The following SIK3 variants were observed in gnomAD, a reference collection of about 807,000 sequenced individuals.
The protein encoded by SIK3 is SIK family kinase 3.
Under a neutral mutation model 144.2 loss-of-function variants are expected in SIK3, and 28 were observed. The observed-to-expected ratio is 0.19, with a 90% CI of 0.14 to 0.27. The LOEUF (loss-of-function observed/expected upper bound fraction) is 0.27. Among genes scored for constraint, SIK3 ranks in the 10% least tolerant of loss-of-function variants. SIK3 has a pLI of 1.00. For synonymous variants in SIK3, 686 were observed against 676.3 expected (o/e 1.01, Z -0.22); for missense variants, 1,319 against 1,776.0 (o/e 0.74, Z 4.62).
rs375327407 is a variant in SIK3 at position 116,986,642 on chromosome 11, T to C, written c.274-29578A>G. On this transcript the variant is annotated intron_variant, in intron 1 of 24. Transcript: ENST00000445177. ...TCTTCCCAGAAGCAGGTCTTTCCTCTAACCTCAGGCATGTAATAAGTACCA... is the reference window on the plus strand; with the variant it reads ...TCTTCCCAGAAGCAGGTCTTTCCTCCAACCTCAGGCATGTAATAAGTACCA... Among the ~76,000 whole-genome samples the C allele has an allele frequency of 2.0e-4, 30 of 152,332 alleles. 3 individuals carry two copies. Among genetic ancestry groups the C allele is most frequent in the Admixed American group, 1.3e-3 (20 of 15,300 alleles).
Position 116,844,618 on chromosome 11 carries a change from AATAT to A in SIK3, c.*1021_*1024del, listed in dbSNP as rs201144269. 2 of 40,728 alleles carry A rather than the reference AATAT, an allele frequency of 4.9e-5. No homozygotes were observed. The highest frequency in any genetic ancestry group is 3.8e-4 in the South Asian group (1 of 2,630). 2.5% of individuals were successfully genotyped at this position (40,728 alleles called of 1,614,324 possible). A position where few individuals can be genotyped will look rare whatever the true frequency, so the allele number is the denominator to read the frequency against. ...TATTTTATATATATATTATATATATAATATATATATAATATATTATATTATATAT... is the reference window on the plus strand; with the variant it reads ...TATTTTATATATATATTATATATATAATATATAATATATTATATTATATAT... On this transcript the variant is annotated 3_prime_UTR_variant, in exon 25 of 25. Transcript: ENST00000445177.
rs549238660 is a variant in SIK3 at position 116,849,946 on chromosome 11, C to A, written c.3656-663G>T. On this transcript the variant is annotated intron_variant, in intron 21 of 24. Transcript: ENST00000445177. This position sits in a 1 kb window ranked among gnomAD's most constrained non-coding sequence, Gnocchi z 4.2. ...TTACTAGGTATCTTTCCCTGGATAT[C>A]TAACCAGCATGTAACACTTACCATG... Among the ~76,000 whole-genome samples, 1 of 152,316 alleles carries A rather than the reference C, an allele frequency of 6.6e-6. No individual in the cohort carries two copies. The highest frequency in any genetic ancestry group is 2.1e-4 in the South Asian group (1 of 4,828).
intron 1 of SIK3, among the ~76,000 whole-genome samples, chr11:117,088,754 G>A (rs917142276): frequency 2.6e-5 from 4 of 152,042 alleles, no homozygotes; most frequent in Non-Finnish European, 5.9e-5. Flanking sequence ...ATAGCTCACA[G>A]AAACCTTGAC....
chr11:117,036,407 A>C (rs1385215382), intron 1 of SIK3, among the ~76,000 whole-genome samples: 2 of 152,184 alleles, frequency 1.3e-5, no homozygotes, highest in Non-Finnish European at 2.9e-5. Context: ...TTGTGCTTAT[A>C]GAAGAGTCAG....
chr11:116,929,028 G>A (rs989483665), intron 3 of SIK3, among the ~76,000 whole-genome samples: 10 of 152,166 alleles, frequency 6.6e-5, no homozygotes, highest in African/African-American at 1.9e-4. Context: ...GCTCCCACTC[G>A]GGTGTGTTTA....
At chr11:116,977,723 CAGGT>C (rs1949997964) in intron 1 of SIK3, among the ~76,000 whole-genome samples, 1 of 152,136 alleles carries the variant, frequency 6.6e-6, no homozygotes, top group African/African-American at 2.4e-5. Context: ...AATTTTAAGA[CAGGT>C]AGAATAAAAG....
chr11:116,857,586 T>G, intron 21 of SIK3: 2 of 654,804 alleles, frequency 3.1e-6, no homozygotes, highest in Non-Finnish European at 4.9e-6. Flanking sequence ...ATCATCTATC[T>G]TATTGACTAA....
At chr11:116,948,124 G>C (rs1948764574) in intron 3 of SIK3, among the ~76,000 whole-genome samples, 1 of 151,102 alleles carries the variant, frequency 6.6e-6, no homozygotes, top group African/African-American at 2.4e-5. Flanking sequence ...TTTTTGTAGA[G>C]ATGGTGTTTC....
intron 21 of SIK3, among the ~76,000 whole-genome samples, chr11:116,850,870 G>A (rs1032401182): frequency 7.2e-5 from 11 of 152,292 alleles, no homozygotes; most frequent in African/African-American, 2.4e-4. Context: ...TTAGCTGGGT[G>A]TGGTGGTGTG....
At chr11:116,939,036 T>TAG (rs1948142280) in intron 3 of SIK3, among the ~76,000 whole-genome samples, 2 of 152,236 alleles carry the variant, frequency 1.3e-5, no homozygotes, top group African/African-American at 4.8e-5. Context: ...TATCTTGTCA[T>TAG]TACTATAATT....
At chr11:117,092,413 C>T (rs1431969323) in intron 1 of SIK3, among the ~76,000 whole-genome samples, 2 of 152,190 alleles carry the variant, frequency 1.3e-5, no homozygotes, top group African/African-American at 2.4e-5. Context: ...CAAATATCAT[C>T]ATCTTGGAAA....
At chr11:116,900,832 G>C (rs757443841) in intron 4 of SIK3, among the ~76,000 whole-genome samples, 17 of 150,916 alleles carry the variant, frequency 1.1e-4, no homozygotes, top group Non-Finnish European at 1.8e-4. Context: ...TCCCATTACT[G>C]TTCTGTCATA....
intron 1 of SIK3, among the ~76,000 whole-genome samples, chr11:117,040,669 T>C (rs1952698867): frequency 6.6e-6 from 1 of 152,088 alleles, no homozygotes; most frequent in Non-Finnish European, 1.5e-5. Context: ...AATATAATCA[T>C]GGAATAGTAA....
intron 1 of SIK3, among the ~76,000 whole-genome samples, chr11:117,087,744 T>C (rs777516406): frequency 6.6e-5 from 10 of 152,192 alleles, no homozygotes; most frequent in Non-Finnish European, 1.2e-4. Flanking sequence ...ATATACATAT[T>C]AGGTGCCGTA....
At chr11:116,938,641 G>T (rs1948118979) in intron 3 of SIK3, among the ~76,000 whole-genome samples, 1 of 139,874 alleles carries the variant, frequency 7.1e-6, no homozygotes, top group Non-Finnish European at 1.5e-5. Context: ...GAGAGGAGAG[G>T]AGAGGAGAGG....
intron 1 of SIK3, among the ~76,000 whole-genome samples, chr11:117,087,449 AG>A (rs1420970138): frequency 6.6e-6 from 1 of 152,034 alleles, no homozygotes; most frequent in African/African-American, 2.4e-5. Context: ...CCTCAAAAAA[AG>A]GTTAGATTTA....
intron 3 of SIK3, among the ~76,000 whole-genome samples, chr11:116,938,978 T>G (rs1194817955): frequency 6.6e-6 from 1 of 152,138 alleles, no homozygotes; most frequent in African/African-American, 2.4e-5. Context: ...GAGAACCAAT[T>G]CATTATTCTA....
chr11:116,873,412 A>G (rs1944064643), intron 13 of SIK3, 69 bp downstream of exon 13: 1 of 1,610,360 alleles, frequency 6.2e-7, no homozygotes, highest in African/African-American at 1.3e-5. Context: ...TGGGTTCCCA[A>G]CCCCAGGCTC....
chr11:116,913,648 A>G (rs955798703), intron 4 of SIK3, among the ~76,000 whole-genome samples: 1 of 152,232 alleles, frequency 6.6e-6, no homozygotes, highest in African/African-American at 2.4e-5. Context: ...TGAGTATATC[A>G]TAGTCATGAT....
Sources: gnomAD v4.1 joint callset for allele counts (sites outside exome capture counted in the v4.1 genomes callset) on GRCh38, gnomAD v4.1.1 for gene constraint, Gnocchi (gnomAD v3.1) non-coding constraint, MANE v1.5 for transcripts, NCBI Gene and HGNC (gene_info 2026-07-23, HGNC 2026-07-21) for gene names.